The following CDKL5 variants were observed in gnomAD, a reference collection of about 807,000 sequenced individuals.
CDKL5 encodes cyclin dependent kinase like 5.
CDKL5 carries 8 observed loss-of-function variants against 61.7 expected under a neutral mutation model. That is an observed-to-expected ratio of 0.13 (90% CI 0.08 to 0.23). The LOEUF is 0.23. Ranked by LOEUF, CDKL5 falls within the 10% of genes least tolerant of loss-of-function variation. CDKL5 has a pLI of 1.00. For synonymous variants in CDKL5, 275 were observed against 272.3 expected, an observed-to-expected ratio of 1.01 and a Z score of -0.10; for missense variants, 440 against 734.5, an observed-to-expected ratio of 0.60 and a Z score of 4.63.
intron 7 of CDKL5, 120 bp from the exon 8 acceptor site, chrX:18,584,143 G>A: frequency 1.8e-6 from 1 of 554,131 alleles, no homozygotes; most frequent in Non-Finnish European, 3.3e-6. Context: ...TAGCCCATGC[G>A]AGAACAGTCA....
intron 1 of CDKL5, among the ~76,000 whole-genome samples, chrX:18,485,012 A>G (rs62588989): frequency 9.1e-6 from 1 of 110,406 alleles, no homozygotes; most frequent in Non-Finnish European, 1.9e-5. Flanking sequence ...GTCATGTAAT[A>G]TTATTTTCCA....
At chrX:18,651,952 G>A (rs1020090892) in intron 21 of CDKL5, among the ~76,000 whole-genome samples, 3 of 108,535 alleles carry the variant, frequency 2.8e-5, no homozygotes, top group Admixed American at 2.0e-4. Context: ...ACACCCCTCC[G>A]CCTGGCCCCC....
intron 1 of CDKL5, among the ~76,000 whole-genome samples, chrX:18,496,158 A>G (rs1431341692): frequency 8.9e-6 from 1 of 112,341 alleles, no homozygotes; most frequent in Non-Finnish European, 1.9e-5. Flanking sequence ...GGTCTGGGGA[A>G]CAGTCTCAAG....
intron 3 of CDKL5, among the ~76,000 whole-genome samples, chrX:18,561,859 T>C (rs1048527139): frequency 8.9e-6 from 1 of 111,812 alleles, no homozygotes; most frequent in Non-Finnish European, 1.9e-5. Context: ...AATATCAAGA[T>C]ACATAAATGC....
chrX:18,439,505 T>C (rs1931689770), intron 1 of CDKL5, among the ~76,000 whole-genome samples: 2 of 110,645 alleles, frequency 1.8e-5, no homozygotes, highest in South Asian at 7.6e-4. Context: ...AATATTGCCA[T>C]AAAGCAAGTC....
intron 15 of CDKL5, among the ~76,000 whole-genome samples, chrX:18,614,841 G>A (rs1294405390): frequency 8.9e-6 from 1 of 112,265 alleles, no homozygotes; most frequent in Non-Finnish European, 1.9e-5. Context: ...AAGTGCAGAA[G>A]GAATTGGATT....
At chrX:18,446,521 TCC>T (rs1250757501) in intron 1 of CDKL5, among the ~76,000 whole-genome samples, 1 of 112,224 alleles carries the variant, frequency 8.9e-6, no homozygotes, top group Admixed American at 9.5e-5. Flanking sequence ...TGGATTTGTT[TCC>T]CAGGTGAGCC....
intron 20 of CDKL5, among the ~76,000 whole-genome samples, chrX:18,648,860 T>C (rs960167769): frequency 9.1e-6 from 1 of 109,778 alleles, no homozygotes; most frequent in African/African-American, 3.3e-5. Context: ...GAGGATCACT[T>C]GAGCCCAGGA....
At chrX:18,465,708 C>T (rs947734805) in intron 1 of CDKL5, among the ~76,000 whole-genome samples, 13 of 111,211 alleles carry the variant, frequency 1.2e-4, no homozygotes, top group Non-Finnish European at 3.8e-5. Context: ...CTGTAAATTT[C>T]GATTAAAAAT....
chrX:18,463,247 A>G (rs758896887), intron 1 of CDKL5, among the ~76,000 whole-genome samples: 2 of 108,564 alleles, frequency 1.8e-5, no homozygotes, highest in Non-Finnish European at 3.8e-5. Context: ...CGCAAAGGCC[A>G]CATGGTGCAG....
At chrX:18,459,698 C>CTTTTT (rs756249968) in intron 1 of CDKL5, among the ~76,000 whole-genome samples, 81 of 53,563 alleles carry the variant, frequency 1.5e-3, no homozygotes, top group African/African-American at 1.7e-3. Flanking sequence ...AGCTTTCTTT[C>CTTTTT]TTTTTTTTTT....
intron 3 of CDKL5, among the ~76,000 whole-genome samples, chrX:18,518,388 A>AT (rs779361711): frequency 0.022 from 470 of 21,121 alleles, 147 homozygotes; most frequent in Admixed American, 0.037. Flanking sequence ...TTCTTTTCTT[A>AT]TTTTTTTTTT....
At position 18,630,652 on chromosome X, in the gene CDKL5, T is replaced by TAGA; in HGVS notation, c.*1896_*1898dup. Reference sequence around the variant, plus strand: ...AATACTATAATGTGTATTGATTATATAGATAGGTCATTTTAAGGTGCTTTT... The same window carrying TAGA: ...AATACTATAATGTGTATTGATTATATAGAAGATAGGTCATTTTAAGGTGCTTTT... On this transcript the variant is annotated 3_prime_UTR_variant, in exon 18 of 18. Coordinates refer to ENST00000623535, the MANE Select transcript of CDKL5 (RefSeq NM_001323289.2). The TAGA allele has an allele frequency of 1.4e-6, 1 of 735,868 alleles. No individual in the cohort carries two copies. Among genetic ancestry groups the TAGA allele is most frequent in the Non-Finnish European group, 1.6e-6 (1 of 622,788 alleles). 60.6% of individuals were successfully genotyped at this position (735,868 alleles called of 1,213,427 possible).
Position 18,632,777 on chromosome X carries a change from G to A in CDKL5, c.*4020G>A. The A allele has an allele frequency of 1.3e-6, 1 of 752,987 alleles. No individual in the cohort carries two copies. The highest frequency in any genetic ancestry group is 1.6e-6 in the Non-Finnish European group (1 of 638,169). The allele number at this position is 752,987 out of a possible 1,213,427, so 62.1% of individuals were successfully genotyped here. On this transcript the variant is annotated 3_prime_UTR_variant, in exon 18 of 18. Coordinates refer to ENST00000623535, the MANE Select transcript of CDKL5 (RefSeq NM_001323289.2). ...GCATGTTCCTAATCTGAGAATTAGT[G>A]GACTATACTAGGAAATGCTATCCCA...
intron 1 of CDKL5, among the ~76,000 whole-genome samples, chrX:18,436,897 CAAAAA>C (rs60845430): frequency 6.3e-5 from 1 of 15,801 alleles, no homozygotes; most frequent in Non-Finnish European, 1.3e-4. Context: ...ACTCTTGACT[CAAAAA>C]AAAAAAAAAA....
At chrX:18,651,264 T>TGTGAGAGA (rs1491242962) in intron 21 of CDKL5, among the ~76,000 whole-genome samples, 37 of 69,012 alleles carry the variant, frequency 5.4e-4, no homozygotes, top group Middle Eastern at 8.0e-3. Context: ...TGTGTGTGTG[T>TGTGAGAGA]GAGAGAGAGA....
chrX:18,458,133 G>A (rs1189809085), intron 1 of CDKL5, among the ~76,000 whole-genome samples: 1 of 107,259 alleles, frequency 9.3e-6, no homozygotes, highest in Non-Finnish European at 1.9e-5. Context: ...ATGTTGGCCA[G>A]GCTGGTCTCA....
At chrX:18,475,732 G>A (rs1794611574) in intron 1 of CDKL5, among the ~76,000 whole-genome samples, 1 of 112,248 alleles carries the variant, frequency 8.9e-6, no homozygotes, top group Non-Finnish European at 1.9e-5. Flanking sequence ...TATTAATACA[G>A]TGAGAACTGG....
chrX:18,509,091 A>AACACACACACAC (rs34278137), intron 2 of CDKL5, among the ~76,000 whole-genome samples: 1 of 74,880 alleles, frequency 1.3e-5, no homozygotes, highest in African/African-American at 5.1e-5. Flanking sequence ...ACTGTCTCAA[A>AACACACACACAC]ACACACACAC....
Sources: gnomAD v4.1 joint callset for allele counts (sites outside exome capture counted in the v4.1 genomes callset) on GRCh38, gnomAD v4.1.1 for gene constraint, MANE v1.5 for transcripts, NCBI Gene and HGNC (gene_info 2026-07-23, HGNC 2026-07-21) for gene names.